NOL4: variants seen among roughly 807,000 people sequenced by gnomAD.
The protein encoded by NOL4 is cancer/testis antigen 125.
Under a neutral mutation model 75.9 loss-of-function variants are expected in NOL4, and 17 were observed. That is an observed-to-expected ratio of 0.22 (90% CI 0.15 to 0.34). NOL4 has a LOEUF of 0.34. Among genes scored for constraint, NOL4 ranks in the 10% least tolerant of loss-of-function variants. NOL4 has a pLI of 1.00. For missense variants in NOL4, 614 were observed against 793.5 expected, an observed-to-expected ratio of 0.77 and a Z score of 2.72; for synonymous variants, 292 against 289.9, an observed-to-expected ratio of 1.01 and a Z score of -0.07.
At chr18:34,222,415 G>A in intron 1 of NOL4, 1 of 1,133,420 alleles carries the variant, frequency 8.8e-7, no homozygotes, top group South Asian at 3.0e-5. Context: ...ATCTCTGGGA[G>A]TGATCGAGGC....
intron 1 of NOL4, among the ~76,000 whole-genome samples, chr18:34,149,244 C>T (rs2081541334): frequency 6.6e-6 from 1 of 151,338 alleles, no homozygotes; most frequent in African/African-American, 2.4e-5. Flanking sequence ...AAAAATAGGT[C>T]AAAATATTTC....
At chr18:33,949,808 AATG>A (rs1368479805) in intron 8 of NOL4, among the ~76,000 whole-genome samples, 1 of 152,106 alleles carries the variant, frequency 6.6e-6, no homozygotes, top group African/African-American at 2.4e-5. Context: ...GGTCATTAAT[AATG>A]ATCTTTTATG....
intron 9 of NOL4, among the ~76,000 whole-genome samples, chr18:33,908,516 T>G (rs761134419): frequency 6.6e-6 from 1 of 152,156 alleles, no homozygotes; most frequent in Non-Finnish European, 1.5e-5. Context: ...CCATCTGGAT[T>G]ATATATCTTG....
In NOL4 at chr18:33,979,504, T is replaced by C. The variant is rs537090515; in HGVS notation, c.1057-21086A>G. ...AAGTGCAAAATAATGTACTACTTGG[T>C]AAAGACACATCTTAAATTATGACAT... is the stretch of plus-strand genomic sequence containing the variant. On this transcript the variant is annotated intron_variant, in intron 6 of 10. Coordinates refer to ENST00000261592, the MANE Select transcript of NOL4 (RefSeq NM_003787.5). Among the ~76,000 whole-genome samples, 3 of 152,182 alleles carry C rather than the reference T, an allele frequency of 2.0e-5. No individual in the cohort carries two copies. The South Asian group carries it at 6.2e-4, about 32-fold the overall frequency.
chr18:34,010,992 TAGA>T (rs2146327017), intron 6 of NOL4, among the ~76,000 whole-genome samples: 1 of 151,930 alleles, frequency 6.6e-6, no homozygotes, highest in East Asian at 1.9e-4. Context: ...AAAATATAGT[TAGA>T]AGAATGAAAA....
chr18:34,220,679 G>A, intron 1 of NOL4, among the ~76,000 whole-genome samples: 1 of 151,772 alleles, frequency 6.6e-6, no homozygotes, highest in East Asian at 1.9e-4. Context: ...TTCTATGTCG[G>A]GAGCAGTATA....
chr18:34,161,411 CCCA>C (rs1484602053), intron 1 of NOL4, among the ~76,000 whole-genome samples: 5 of 152,224 alleles, frequency 3.3e-5, no homozygotes. Flanking sequence ...AATTTACATT[CCCA>C]CCAACCTTGT....
Position 34,129,857 on chromosome 18 carries a change from C to CT in NOL4, c.414+13dup. 6.8e-7 allele frequency: 1 copy of CT among 1,460,888 alleles called. No homozygotes were observed. The highest frequency in any genetic ancestry group is 9.0e-7 in the Non-Finnish European group (1 of 1,106,224). 90.5% of individuals were successfully genotyped at this position (1,460,888 alleles called of 1,614,324 possible). ...TCGAAATGCATGCTCTTTTTTTTTT[C>CT]TTTTTTAACTTACTGCTTTGTAAGT... On this transcript the variant is annotated intron_variant, in intron 2 of 10. Transcript: ENST00000261592.
intron 8 of NOL4, among the ~76,000 whole-genome samples, 183 bp downstream of exon 8, chr18:33,957,143 G>A (rs2069710865): frequency 6.6e-6 from 1 of 151,436 alleles, no homozygotes; most frequent in Non-Finnish European, 1.5e-5. Context: ...TAAACAAAGA[G>A]AATAAATACT....
chr18:33,914,714 G>T (rs571423369), intron 9 of NOL4, among the ~76,000 whole-genome samples: 54 of 152,206 alleles, frequency 3.5e-4, no homozygotes, highest in South Asian at 6.2e-4. Flanking sequence ...GTGAAAAGAA[G>T]GGGGAACTCA....
intron 10 of NOL4, among the ~76,000 whole-genome samples, chr18:33,857,978 T>C (rs533569845): frequency 6.6e-5 from 10 of 152,232 alleles, no homozygotes; most frequent in African/African-American, 2.4e-4. Flanking sequence ...TAGAGGCTAA[T>C]TATTCATCAC....
intron 9 of NOL4, among the ~76,000 whole-genome samples, chr18:33,906,645 C>G (rs1442630232): frequency 6.6e-6 from 1 of 152,136 alleles, no homozygotes; most frequent in African/African-American, 2.4e-5. Flanking sequence ...ATTTGCAAAT[C>G]TTTAATATAT....
At chr18:34,104,471 A>G (rs974835319) in intron 3 of NOL4, among the ~76,000 whole-genome samples, 2 of 151,924 alleles carry the variant, frequency 1.3e-5, no homozygotes, top group Admixed American at 1.3e-4. Flanking sequence ...TACTTTCTAT[A>G]TGTATTTTTT....
At chr18:34,023,383 C>G in intron 5 of NOL4, 2 of 454,752 alleles carry the variant, frequency 4.4e-6, no homozygotes, top group Non-Finnish European at 8.9e-6. Context: ...GGATCTCAGA[C>G]TCCTGTAACC....
intron 5 of NOL4, among the ~76,000 whole-genome samples, chr18:34,022,952 T>TA (rs2075130051): frequency 6.6e-6 from 1 of 152,140 alleles, no homozygotes; most frequent in Non-Finnish European, 1.5e-5. Context: ...GCCTTGTTTT[T>TA]ATATCAATAA....
Position 33,852,886 on chromosome 18 carries a change from G to A in NOL4, c.1873C>T (p.Arg625Ter), listed in dbSNP as rs960826327. Residue 625 changes from arginine to a stop codon, truncating the protein, a stop_gained, in exon 11 of 11, where the codon CGA (arginine) becomes TGA (stop). Coordinates refer to ENST00000261592, the MANE Select transcript of NOL4 (RefSeq NM_003787.5). LOFTEE classifies it high-confidence loss of function. ...AGATTTTCCAGTTCATCTGCAGATC[G>A]CAATAAAAATGCAGCTGATTCTCGA... ...GYRESAAFLL[R>*]SADELENLIL... 1 of 1,612,808 alleles carries A rather than the reference G, an allele frequency of 6.2e-7. No homozygotes were observed. The highest frequency in any genetic ancestry group is 8.5e-7 in the Non-Finnish European group (1 of 1,179,338).
chr18:34,134,233 T>G (rs2080789025), intron 1 of NOL4, among the ~76,000 whole-genome samples: 1 of 152,072 alleles, frequency 6.6e-6, no homozygotes, highest in African/African-American at 2.4e-5. Flanking sequence ...TATATAAAAT[T>G]AAAATTTCTT....
chr18:34,010,055 C>T (rs1265458114), intron 6 of NOL4, among the ~76,000 whole-genome samples: 1 of 151,516 alleles, frequency 6.6e-6, no homozygotes, highest in Non-Finnish European at 1.5e-5. Flanking sequence ...TCTGAGTTAT[C>T]CTCTTGACCC....
chr18:34,156,407 C>CA (rs1443753592), intron 1 of NOL4, among the ~76,000 whole-genome samples: 1 of 152,154 alleles, frequency 6.6e-6, no homozygotes, highest in Non-Finnish European at 1.5e-5. Flanking sequence ...TGAACCAAGG[C>CA]AGCTTAACTC....
Sources: gnomAD v4.1 joint callset for allele counts (sites outside exome capture counted in the v4.1 genomes callset) on GRCh38, gnomAD v4.1.1 for gene constraint, MANE v1.5 for transcripts, NCBI Gene and HGNC (gene_info 2026-07-23, HGNC 2026-07-21) for gene names.